NAALADL2: variants seen among roughly 807,000 people sequenced by gnomAD.
The protein encoded by NAALADL2 is inactive N-acetylated-alpha-linked acidic dipeptidase-like protein 2.
NAALADL2 carries 76 observed loss-of-function variants against 87.2 expected under a neutral mutation model. The observed-to-expected ratio is 0.87, with a 90% CI of 0.72 to 1.05. NAALADL2 has a LOEUF of 1.05. Among genes scored for constraint, NAALADL2 ranks in the 50% least tolerant of loss-of-function variants. The pLI is 0.00. For missense variants in NAALADL2, 1,089 were observed against 945.8 expected, an observed-to-expected ratio of 1.15 and a Z score of -1.99; for synonymous variants, 354 against 331.0, an observed-to-expected ratio of 1.07 and a Z score of -0.75.
At chr3:175,766,473 T>A (rs1487776639) in intron 13 of NAALADL2, among the ~76,000 whole-genome samples, 1 of 152,140 alleles carries the variant, frequency 6.6e-6, no homozygotes, top group African/African-American at 2.4e-5. Flanking sequence ...TCTAAGGTAA[T>A]GAAAATATTA....
chr3:175,675,753 G>A (rs1432228869), intron 11 of NAALADL2: 2 of 152,110 alleles, frequency 1.3e-5, no homozygotes, highest in Non-Finnish European at 2.9e-5. Flanking sequence ...GAATACTCAT[G>A]ACAGGTCACC....
upstream of NAALADL2, among the ~76,000 whole-genome samples, chr3:174,855,689 A>G (rs187282923): frequency 3.8e-4 from 57 of 151,132 alleles, no homozygotes; most frequent in Middle Eastern, 3.4e-3. Context: ...TGCAGGCTCA[A>G]TGTGTGCTAG....
intron 3 of NAALADL2, among the ~76,000 whole-genome samples, chr3:174,787,606 T>TATACATATATATATATATATATACAC (rs1553855461): frequency 9.5e-6 from 1 of 104,830 alleles, no homozygotes; most frequent in East Asian, 2.6e-4. Context: ...TATATATATA[T>TATACATATATATATATATATATACAC]ATATATATAT....
chr3:174,866,587 G>C (rs576849347), intron 1 of NAALADL2, among the ~76,000 whole-genome samples: 1 of 151,834 alleles, frequency 6.6e-6, no homozygotes, highest in East Asian at 1.9e-4. Flanking sequence ...GTCTGTCCCA[G>C]AGTTCCTAAT....
intron 11 of NAALADL2, among the ~76,000 whole-genome samples, chr3:175,711,264 G>T (rs1296904758): frequency 1.3e-5 from 2 of 151,784 alleles, no homozygotes; most frequent in African/African-American, 2.4e-5. Flanking sequence ...GATGAGGTAT[G>T]ATTAGAAAAT....
chr3:174,482,976 T>C (rs1483684205), intron 1 of NAALADL2, among the ~76,000 whole-genome samples: 1 of 152,054 alleles, frequency 6.6e-6, no homozygotes, highest in African/African-American at 2.4e-5. Context: ...AGTGATAATT[T>C]GTCAACCATT....
At chr3:174,808,353 A>T (rs748127066) in intron 3 of NAALADL2, among the ~76,000 whole-genome samples, 9 of 152,168 alleles carry the variant, frequency 5.9e-5, no homozygotes, top group Non-Finnish European at 1.3e-4. Context: ...CTAGTGGGTT[A>T]TGCCCAGATG....
At chr3:175,352,005 C>A (rs1246028325) in intron 5 of NAALADL2, among the ~76,000 whole-genome samples, 1 of 152,098 alleles carries the variant, frequency 6.6e-6, no homozygotes, top group African/African-American at 2.4e-5. Flanking sequence ...GATGGACCCA[C>A]ACACAGAATT....
intron 10 of NAALADL2, among the ~76,000 whole-genome samples, chr3:175,589,935 G>A (rs558571029): frequency 1.3e-5 from 2 of 152,220 alleles, no homozygotes; most frequent in South Asian, 2.1e-4. Context: ...ATTCTTGGCC[G>A]GGTGTGGTGG....
chr3:175,568,964 A>G (rs892991358), intron 9 of NAALADL2, among the ~76,000 whole-genome samples: 5 of 152,224 alleles, frequency 3.3e-5, no homozygotes, highest in African/African-American at 1.2e-4. Context: ...AGTTACAAGT[A>G]CTACTAATAT....
chr3:175,293,161 A>T (rs952171694), intron 4 of NAALADL2, among the ~76,000 whole-genome samples: 1 of 151,970 alleles, frequency 6.6e-6, no homozygotes, highest in Admixed American at 6.6e-5. Flanking sequence ...CCTAACTCCA[A>T]CTAATTATCT....
At chr3:175,622,318 A>G (rs1726342115) in intron 10 of NAALADL2, among the ~76,000 whole-genome samples, 1 of 152,090 alleles carries the variant, frequency 6.6e-6, no homozygotes, top group South Asian at 2.1e-4. Context: ...CTGTGCCTCT[A>G]TTCATTCAAC....
chr3:174,824,716 G>A (rs1472494779), intron 3 of NAALADL2, among the ~76,000 whole-genome samples: 1 of 152,194 alleles, frequency 6.6e-6, no homozygotes, highest in East Asian at 1.9e-4. Context: ...TATTTGTGCT[G>A]TGTAGCCTTT....
At chr3:174,539,812 T>C (rs1180138896) in intron 1 of NAALADL2, among the ~76,000 whole-genome samples, 3 of 151,756 alleles carry the variant, frequency 2.0e-5, no homozygotes, top group African/African-American at 2.4e-5. Flanking sequence ...AAAATTTCTT[T>C]AAAAATTAAA....
At chr3:175,213,106 C>G (rs1166605587) in intron 2 of NAALADL2, among the ~76,000 whole-genome samples, 1 of 152,162 alleles carries the variant, frequency 6.6e-6, no homozygotes, top group Admixed American at 6.5e-5. Context: ...TTGATTGTAA[C>G]AGCAACTCGG....
chr3:174,537,480 G>A (rs1301787682), intron 1 of NAALADL2, among the ~76,000 whole-genome samples: 1 of 152,148 alleles, frequency 6.6e-6, no homozygotes, highest in Non-Finnish European at 1.5e-5. Flanking sequence ...TATTTATTGA[G>A]CACTATTAAG....
chr3:175,241,752 G>T (rs964564292), intron 3 of NAALADL2, among the ~76,000 whole-genome samples: 1 of 151,186 alleles, frequency 6.6e-6, no homozygotes, highest in African/African-American at 2.4e-5. Context: ...AGCATAGGTA[G>T]CTAAATTCAA....
At chr3:174,735,819 G>C (rs139710951) in intron 2 of NAALADL2, among the ~76,000 whole-genome samples, 1 of 152,166 alleles carries the variant, frequency 6.6e-6, no homozygotes, top group Non-Finnish European at 1.5e-5. Context: ...GGCCAGCAGC[G>C]CCTTTGCCAG....
chr3:175,672,967 AGTTATAT>A (rs1423463000), intron 11 of NAALADL2, among the ~76,000 whole-genome samples: 14 of 151,532 alleles, frequency 9.2e-5, no homozygotes, highest in Admixed American at 5.9e-4. Context: ...AGATGTCCTC[AGTTATAT>A]GTTATATTAC....
Sources: allele counts gnomAD v4.1 joint callset (sites outside exome capture counted in the v4.1 genomes callset), GRCh38; gene constraint gnomAD v4.1.1; transcripts MANE v1.5; gene names NCBI Gene and HGNC (gene_info 2026-07-23, HGNC 2026-07-21).